The following MIDEAS variants were observed in gnomAD, a reference collection of about 807,000 sequenced individuals.
MIDEAS encodes the protein mitotic deacetylase associated SANT domain protein.
Under a neutral mutation model 102.7 loss-of-function variants are expected in MIDEAS, and 26 were observed. That is an observed-to-expected ratio of 0.25 (90% CI 0.19 to 0.35). MIDEAS has a LOEUF of 0.35. Ranked by LOEUF, MIDEAS falls within the 10% of genes least tolerant of loss-of-function variation. MIDEAS has a pLI of 1.00. For synonymous variants in MIDEAS, 585 were observed against 591.0 expected (o/e 0.99, Z 0.15); for missense variants, 1,231 against 1,435.6 (o/e 0.86, Z 2.30).
rs1555344807 is a variant in MIDEAS, at chr14:73,756,295, TGCGCGCGC to T, written c.-248+3460_-248+3467del. On this transcript the variant is annotated intron_variant, in intron 1 of 12. Coordinates refer to ENST00000423556, the MANE Select transcript of MIDEAS (RefSeq NM_001367710.1). ...GTGTGTGTGTGTGTGTGTGTGTGTG[TGCGCGCGC>T]GCGTGCGCGCTGAGGTGGAGGGAGG... is the stretch of plus-strand genomic sequence containing the variant. Among the ~76,000 whole-genome samples the T allele has an allele frequency of 8.6e-5, 11 of 127,718 alleles. No individual in the cohort carries two copies. In the South Asian group the frequency reaches 1.1e-3, roughly 13 times the overall value. 83.8% of individuals were successfully genotyped at this position (127,718 alleles called of 152,430 possible). A position where few individuals can be genotyped will look rare whatever the true frequency, so the allele number is the denominator to read the frequency against.
At chr14:73,740,642 C>T (rs8009266) in intron 1 of MIDEAS, among the ~76,000 whole-genome samples, 25,170 of 152,296 alleles carry the variant, frequency 0.17, 2,266 homozygotes, top group South Asian at 0.28. Context: ...AAAAGCCACA[C>T]TGGCTCCCCT....
At chr14:73,757,325 T>C (rs1259421784) in intron 1 of MIDEAS, among the ~76,000 whole-genome samples, 2 of 139,344 alleles carry the variant, frequency 1.4e-5, no homozygotes, top group African/African-American at 2.8e-5. Flanking sequence ...CCAAGCAGCA[T>C]TGTGGGACCC....
Position 73,727,504 on chromosome 14 carries a change from G to A in MIDEAS, c.2116C>T (p.Pro706Ser). ...GCCTCCCCCATCACAGAGAGGACAG[G>A]CGGGGTTACTTCAGCACTGTCTATG... is the stretch of plus-strand genomic sequence containing the variant. ...LRTNSAEVTP[P>S]VLSVMGEATP... Residue 706 changes from proline (P) to serine (S), a missense_variant, in exon 5 of 13, where the codon CCT becomes TCT. Physicochemically the swap from Pro to Ser is moderately conservative, Grantham distance 74 (BLOSUM62 -1). This residue lies in a region of MIDEAS where 391 missense variants were observed against 483.0 expected (regional missense o/e 0.81). Transcript: ENST00000423556. 1 of 1,613,250 alleles carries A rather than the reference G, an allele frequency of 6.2e-7. No individual in the cohort carries two copies.
In MIDEAS at chr14:73,737,041, C is replaced by T. The variant is rs866633106; in HGVS notation, c.1706G>A (p.Arg569His). Residue 569 changes from arginine (R) to histidine (H), a missense_variant, in exon 3 of 13, where the codon CGC becomes CAC. By Grantham distance (29) the Arg-to-His change is conservative (BLOSUM62 0). This residue lies in a region of MIDEAS where 758 missense variants were observed against 856.0 expected (regional missense o/e 0.89). Transcript: ENST00000423556. Reference protein sequence around the residue: ...AEHKPSVIVTRRRSTRIPGTD... With the variant: ...AEHKPSVIVTHRRSTRIPGTD... Reference sequence around the variant, plus strand: ...CCCGGGGATTCGGGTGGACCGCCTGCGGGTGACGATGACTGATGGCTTGTG... The same window carrying T: ...CCCGGGGATTCGGGTGGACCGCCTGTGGGTGACGATGACTGATGGCTTGTG... The T allele has an allele frequency of 4.3e-6, 7 of 1,613,808 alleles. No homozygotes were observed. Among genetic ancestry groups the T allele is most frequent in the African/African-American group, 1.3e-5 (1 of 74,902 alleles).
In MIDEAS at chr14:73,729,677, G is replaced by T. The variant is rs1325093109; in HGVS notation, c.2058C>A (p.Ile686=). 1 of 1,613,666 alleles carries T rather than the reference G, an allele frequency of 6.2e-7. No individual in the cohort carries two copies. Among genetic ancestry groups the T allele is most frequent in the Non-Finnish European group, 8.5e-7 (1 of 1,179,898 alleles). Residue 686 remains isoleucine (I), a synonymous_variant, in exon 4 of 13, where the codon ATC becomes ATA. Transcript: ENST00000423556. ...STSTIPAPPP[I]TPKSAHRTLL... is the part of the protein sequence containing the mutation. Reference sequence around the variant, plus strand: ...GCGTGCGATGGGCACTCTTAGGCGTGATGGGAGGAGGGGCAGGGATGGTGC... The same window carrying T: ...GCGTGCGATGGGCACTCTTAGGCGTTATGGGAGGAGGGGCAGGGATGGTGC...
At position 73,732,084 on chromosome 14, in the gene MIDEAS, G is replaced by A. The variant is rs753978461; in HGVS notation, c.1750-2099C>T. Among the ~76,000 whole-genome samples, 23 of 152,198 alleles carry A rather than the reference G, an allele frequency of 1.5e-4. 1 individual carries two copies. The highest frequency in any genetic ancestry group is 2.6e-4 in the Non-Finnish European group (18 of 68,040). Reference sequence around the variant, plus strand: ...CCTAGCTCCTCATCTATAAAATAGAGGCATTGAGCTGTGGAGCTGCTCAGG... The same window carrying A: ...CCTAGCTCCTCATCTATAAAATAGAAGCATTGAGCTGTGGAGCTGCTCAGG... On this transcript the variant is annotated intron_variant, in intron 3 of 12. Transcript: ENST00000423556.
intron 3 of MIDEAS, among the ~76,000 whole-genome samples, chr14:73,731,656 G>A (rs1480657669): frequency 6.6e-6 from 1 of 152,168 alleles, no homozygotes; most frequent in Non-Finnish European, 1.5e-5. Flanking sequence ...GATAATGTTG[G>A]AGAAGAAAGA....
intron 3 of MIDEAS, among the ~76,000 whole-genome samples, chr14:73,732,658 C>T (rs1467428296): frequency 2.0e-5 from 3 of 150,882 alleles, no homozygotes; most frequent in East Asian, 3.9e-4. Flanking sequence ...TGGTGGTGGG[C>T]GCCTGTAATC....
intron 1 of MIDEAS, among the ~76,000 whole-genome samples, chr14:73,783,489 G>A (rs2053775176): frequency 6.6e-6 from 1 of 152,224 alleles, no homozygotes; most frequent in East Asian, 1.9e-4. Context: ...CTGTGGAGAA[G>A]GGCCCTAACT....
In MIDEAS at chr14:73,739,833, G is replaced by A. The variant is rs1196539954; in HGVS notation, c.176C>T (p.Ser59Phe). 2.5e-6 allele frequency: 4 copies of A among 1,609,796 alleles called. No homozygotes were observed. Among genetic ancestry groups the A allele is most frequent in the Non-Finnish European group, 3.4e-6 (4 of 1,177,210 alleles). ...HEGPGGAVST[S>F]QPVELPPPSS... ...AGGAGGGGGCAGTTCCACAGGCTGA[G>A]AGGTGGAGACTGCCCCTCCTGGACC... Residue 59 changes from serine to phenylalanine, a missense_variant, in exon 2 of 13, where the codon TCT becomes TTT. Around this residue, in one of 5 missense-constraint regions of MIDEAS, gnomAD observed 758 missense variants for 856.0 expected, o/e 0.89. Coordinates refer to ENST00000423556, the MANE Select transcript of MIDEAS (RefSeq NM_001367710.1).
At chr14:73,764,374 C>CA (rs1233529402), upstream of MIDEAS, among the ~76,000 whole-genome samples, 24 of 137,908 alleles carry the variant, frequency 1.7e-4, no homozygotes, top group South Asian at 7.0e-4. Flanking sequence ...CAAAACAAAA[C>CA]AAAAAAAAAC....
At position 73,742,873 on chromosome 14, in the gene MIDEAS, A is replaced by C. The variant is rs1410491013; in HGVS notation, c.-247-2618T>G. Among the ~76,000 whole-genome samples the C allele has an allele frequency of 1.3e-5, 2 of 152,080 alleles. No homozygotes were observed. The highest frequency in any genetic ancestry group is 2.9e-5 in the Non-Finnish European group (2 of 68,006). The stretch of plus-strand genomic sequence containing the variant: ...AGGCACACCTAGGCAGCAGGGCACT[A>C]AGTAGTCATAGGAGTAATGATGATG... On this transcript the variant is annotated intron_variant, in intron 1 of 12. Coordinates refer to ENST00000423556, the MANE Select transcript of MIDEAS (RefSeq NM_001367710.1). This position sits in a 1 kb window ranked among gnomAD's most constrained non-coding sequence, Gnocchi z 4.4.
rs2053012339 is a variant in MIDEAS, at chr14:73,722,728, C to T, written c.2694G>A (p.Ser898=). ...FGDVDTSDEK[S]AQEEVEVDIK... ...TATCCACTTCAACCTCTTCCTGGGC[C>T]GACTTCTCATCGCTCGTATCCACAT... The change falls in exon 10 of 13, where the codon TCG becomes TCA. Residue 898 remains serine, a synonymous_variant. Coordinates refer to ENST00000423556, the MANE Select transcript of MIDEAS (RefSeq NM_001367710.1). 2.5e-6 allele frequency: 4 copies of T among 1,613,984 alleles called. No homozygotes were observed. The highest frequency in any genetic ancestry group is 1.3e-5 in the African/African-American group (1 of 74,902).
Position 73,740,073 on chromosome 14 carries a change from G to A in MIDEAS, c.-65C>T, listed in dbSNP as rs748494595. 1.1e-5 allele frequency: 16 copies of A among 1,413,442 alleles called. No homozygotes were observed. Among genetic ancestry groups the A allele is most frequent in the South Asian group, 3.7e-5 (2 of 54,606 alleles). 87.6% of individuals were successfully genotyped at this position (1,413,442 alleles called of 1,614,324 possible). On this transcript the variant is annotated 5_prime_UTR_variant, in exon 2 of 13. The change creates a new upstream start codon in the 5' untranslated region. Coordinates refer to ENST00000423556, the MANE Select transcript of MIDEAS (RefSeq NM_001367710.1). ...ACAGTCGCCCATCCCCTGGGGAAACGTCCTGCTGGAAGCCGGGCTCTAGTC... is the reference window on the plus strand; with the variant it reads ...ACAGTCGCCCATCCCCTGGGGAAACATCCTGCTGGAAGCCGGGCTCTAGTC...
intron 1 of MIDEAS, among the ~76,000 whole-genome samples, chr14:73,776,874 C>T (rs998434913): frequency 6.6e-6 from 1 of 151,966 alleles, no homozygotes; most frequent in Non-Finnish European, 1.5e-5. Flanking sequence ...AGTTCAAGAC[C>T]AGCCTGGCCA....
At chr14:73,746,686 AC>A (rs978899800) in intron 1 of MIDEAS, among the ~76,000 whole-genome samples, 1 of 145,688 alleles carries the variant, frequency 6.9e-6, no homozygotes, top group Non-Finnish European at 1.5e-5. Flanking sequence ...GTGCCTGAGC[AC>A]CCCAGTGCCA....
rs923827335 is a variant in MIDEAS at position 73,721,718 on chromosome 14, G to A, written c.2725-209C>T. 1.1e-5 allele frequency: 6 copies of A among 554,640 alleles called. No homozygotes were observed. The South Asian group carries it at 1.1e-4, about 10-fold the overall frequency. The allele number at this position is 554,640 out of a possible 1,614,324, so 34.4% of individuals were successfully genotyped here. On this transcript the variant is annotated intron_variant, in intron 10 of 12. Transcript: ENST00000423556. ...AGAGTCTCAAGCCCTGGGAGCACCT[G>A]AGAGAGAACGAGGGGCAAGGAGGGT...
At chr14:73,749,984 G>A (rs2053401482) in intron 1 of MIDEAS, among the ~76,000 whole-genome samples, 2 of 152,254 alleles carry the variant, frequency 1.3e-5, no homozygotes, top group Middle Eastern at 3.4e-3. Context: ...GAGGCCTTTG[G>A]GATTGCAACA....
rs560422056 is a variant in MIDEAS, at chr14:73,746,936, C to A, written c.-247-6681G>T. ...GGGGAGACAGAGAAACAGAAACACA[C>A]GCTAATTATAATGCAAGGAAGCCCG... On this transcript the variant is annotated intron_variant, in intron 1 of 12. Transcript: ENST00000423556. 2.6e-5 allele frequency among the ~76,000 whole-genome samples: 4 copies of A among 152,270 alleles called. No homozygotes were observed. The South Asian group carries it at 6.2e-4, about 24-fold the overall frequency.
Sources: allele counts gnomAD v4.1 joint callset (sites outside exome capture counted in the v4.1 genomes callset), GRCh38; gene constraint gnomAD v4.1.1; regional missense constraint gnomAD v4.1.1; non-coding constraint Gnocchi (gnomAD v3.1); transcripts MANE v1.5; gene names NCBI Gene and HGNC (gene_info 2026-07-23, HGNC 2026-07-21).